Variants in GALNT2 observed in about 807,000 individuals in gnomAD.
GALNT2 encodes the protein polypeptide N-acetylgalactosaminyltransferase 2.
A neutral mutation model predicts 81.4 loss-of-function variants in GALNT2; 31 were observed. The observed-to-expected ratio is 0.38, with a 90% CI of 0.29 to 0.51. The LOEUF (loss-of-function observed/expected upper bound fraction) is 0.51. Among genes scored for constraint, GALNT2 ranks in the 20% least tolerant of loss-of-function variants. The pLI is 0.87. For missense variants in GALNT2, 629 were observed against 765.7 expected, an observed-to-expected ratio of 0.82 and a Z score of 2.11; for synonymous variants, 303 against 287.4, an observed-to-expected ratio of 1.05 and a Z score of -0.55.
At position 230,244,976 on chromosome 1, in the gene GALNT2, T is replaced by A. The variant is rs56286664; in HGVS notation, c.730-1087T>A. Among the ~76,000 whole-genome samples, 454 of 152,306 alleles carry A rather than the reference T, an allele frequency of 3.0e-3. 1 individual carries two copies. The highest frequency in any genetic ancestry group is 0.01 in the Middle Eastern group (3 of 294). On this transcript the variant is annotated intron_variant, in intron 7 of 15. Coordinates refer to ENST00000366672, the MANE Select transcript of GALNT2 (RefSeq NM_004481.5). ...TTCTGGCTAATAAGGGTTCTCTAAGTGGCTCAGGGAAAACACTTGCTCTTT... is the reference window on the plus strand; with the variant it reads ...TTCTGGCTAATAAGGGTTCTCTAAGAGGCTCAGGGAAAACACTTGCTCTTT...
intron 11 of GALNT2, among the ~76,000 whole-genome samples, chr1:230,258,122 C>A (rs1665769623): frequency 6.6e-6 from 1 of 152,184 alleles, no homozygotes; most frequent in African/African-American, 2.4e-5. Flanking sequence ...ACCATGTTGG[C>A]CAGGCTGGTC....
At chr1:230,105,869 C>A (rs991419176) in intron 1 of GALNT2, among the ~76,000 whole-genome samples, 2 of 151,858 alleles carry the variant, frequency 1.3e-5, no homozygotes, top group Non-Finnish European at 2.9e-5. Context: ...ACAGACCAGT[C>A]CTGTCTGATG....
intron 1 of GALNT2, among the ~76,000 whole-genome samples, chr1:230,102,724 C>T (rs1426498504): frequency 1.3e-5 from 2 of 151,994 alleles, no homozygotes; most frequent in Admixed American, 6.5e-5. Flanking sequence ...AAAAAAAAAG[C>T]GAACAGATTA....
intron 14 of GALNT2, among the ~76,000 whole-genome samples, chr1:230,269,394 C>T (rs1302502974): frequency 6.6e-6 from 1 of 152,074 alleles, no homozygotes. Context: ...CTATGTTGGC[C>T]AGGCTGGTCT....
intron 1 of GALNT2, among the ~76,000 whole-genome samples, chr1:230,126,537 C>G (rs1256364143): frequency 1.3e-5 from 2 of 152,020 alleles, no homozygotes; most frequent in African/African-American, 4.8e-5. Flanking sequence ...GAAGAGAGGC[C>G]CCCGCCTCCA....
intron 8 of GALNT2, among the ~76,000 whole-genome samples, chr1:230,248,709 A>G (rs1025418886): frequency 6.6e-6 from 1 of 152,210 alleles, no homozygotes; most frequent in African/African-American, 2.4e-5. Context: ...CTGCAAATAC[A>G]GTCTGAAGTT....
intron 1 of GALNT2, among the ~76,000 whole-genome samples, chr1:230,118,377 C>G (rs1285103039): frequency 6.6e-6 from 1 of 152,242 alleles, no homozygotes; most frequent in Non-Finnish European, 1.5e-5. Flanking sequence ...AACGAGTGCG[C>G]TCACTGGACT....
At chr1:230,065,628 T>C (rs2102736224), upstream of GALNT2, among the ~76,000 whole-genome samples, 1 of 152,364 alleles carries the variant, frequency 6.6e-6, no homozygotes, top group East Asian at 1.9e-4. Flanking sequence ...GATGTTTTTC[T>C]GTTACTAGGC....
chr1:230,109,016 A>G (rs1484628383), intron 1 of GALNT2, among the ~76,000 whole-genome samples: 1 of 152,260 alleles, frequency 6.6e-6, no homozygotes, highest in African/African-American at 2.4e-5. Flanking sequence ...TATATATGTT[A>G]GAAACAAAGT....
intron 14 of GALNT2, among the ~76,000 whole-genome samples, chr1:230,270,710 C>T (rs1372953547): frequency 1.3e-5 from 2 of 152,098 alleles, no homozygotes; most frequent in Non-Finnish European, 2.9e-5. Flanking sequence ...GAAAATAGGG[C>T]CTGGTGCTTT....
chr1:230,127,328 C>A (rs1427932827), intron 1 of GALNT2, among the ~76,000 whole-genome samples: 1 of 152,078 alleles, frequency 6.6e-6, no homozygotes, highest in Non-Finnish European at 1.5e-5. Flanking sequence ...CCCCCTTCAT[C>A]CCTGTGGAAG....
chr1:230,097,692 A>G (rs1252226051), intron 1 of GALNT2, among the ~76,000 whole-genome samples: 2 of 152,232 alleles, frequency 1.3e-5, no homozygotes, highest in East Asian at 1.9e-4. Context: ...CTTTCTGGAT[A>G]TCATGACTAG....
At chr1:230,133,278 A>G (rs1360400680) in intron 1 of GALNT2, among the ~76,000 whole-genome samples, 1 of 152,134 alleles carries the variant, frequency 6.6e-6, no homozygotes, top group Admixed American at 6.5e-5. Context: ...GAGTTTGAAC[A>G]TTTTTAAGGC....
At chr1:230,133,459 T>TG (rs934086854) in intron 1 of GALNT2, among the ~76,000 whole-genome samples, 7 of 151,572 alleles carry the variant, frequency 4.6e-5, no homozygotes, top group African/African-American at 1.5e-4. Flanking sequence ...CTTTTTTTTT[T>TG]TTTTTGAGAC....
chr1:230,238,497 A>G (rs1434680832), intron 6 of GALNT2, among the ~76,000 whole-genome samples: 1 of 152,224 alleles, frequency 6.6e-6, no homozygotes, highest in Non-Finnish European at 1.5e-5. Context: ...CATTTTACAG[A>G]TGGAAATACT....
At chr1:230,153,533 A>G (rs774162556) in intron 1 of GALNT2, among the ~76,000 whole-genome samples, 14 of 152,042 alleles carry the variant, frequency 9.2e-5, no homozygotes, top group Non-Finnish European at 1.8e-4. Context: ...CAAGCATTAC[A>G]GTGGCCTTGG....
chr1:230,105,858 G>T (rs1660528552), intron 1 of GALNT2, among the ~76,000 whole-genome samples: 1 of 151,876 alleles, frequency 6.6e-6, no homozygotes, highest in African/African-American at 2.4e-5. Flanking sequence ...AAGTGGTGGG[G>T]ACAGACCAGT....
In GALNT2 at chr1:230,255,270, C is replaced by T; in HGVS notation, c.1062C>T (p.Cys354=). ...GTGGCAGCCTGGAGATCATCCCGTG[C>T]AGCCGTGTGGGACACGTGTTCCGGA... ...QCGGSLEIIP[C]SRVGHVFRKQ... is the part of the protein sequence containing the mutation. Residue 354 remains cysteine, a synonymous_variant, in exon 11 of 16, where the codon TGC becomes TGT. Transcript: ENST00000366672. 1 of 1,614,224 alleles carries T rather than the reference C, an allele frequency of 6.2e-7. No individual in the cohort carries two copies. The highest frequency in any genetic ancestry group is 8.5e-7 in the Non-Finnish European group (1 of 1,180,036).
At chr1:230,096,437 C>G (rs1329793211) in intron 1 of GALNT2, among the ~76,000 whole-genome samples, 1 of 152,130 alleles carries the variant, frequency 6.6e-6, no homozygotes, top group Admixed American at 6.5e-5. Context: ...GGCAGGAGGC[C>G]AGAGGTGTCT....
Sources: gnomAD v4.1 joint callset for allele counts (sites outside exome capture counted in the v4.1 genomes callset) on GRCh38, gnomAD v4.1.1 for gene constraint, MANE v1.5 for transcripts, NCBI Gene and HGNC (gene_info 2026-07-23, HGNC 2026-07-21) for gene names.